The following EPDR1 variants were observed in gnomAD, a reference collection of about 807,000 sequenced individuals.
EPDR1 encodes the protein ependymin related 1.
Under a neutral mutation model 23.7 loss-of-function variants are expected in EPDR1, and 27 were observed. The observed-to-expected ratio is 1.14, with a 90% CI of 0.84 to 1.57. The LOEUF (loss-of-function observed/expected upper bound fraction) is 1.57. EPDR1 is among the 40% of genes most tolerant of loss of function. EPDR1 has a pLI of 0.00. For synonymous variants in EPDR1, 137 were observed against 118.2 expected, an observed-to-expected ratio of 1.16 and a Z score of -1.03; for missense variants, 349 against 290.4, an observed-to-expected ratio of 1.20 and a Z score of -1.47.
chr7:37,933,097 T>C (rs750003969), intron 1 of EPDR1, among the ~76,000 whole-genome samples: 9 of 152,272 alleles, frequency 5.9e-5, no homozygotes, highest in Non-Finnish European at 1.3e-4. Flanking sequence ...TAACACAATT[T>C]TGAAATAGTG....
At chr7:37,931,860 G>A (rs917683410) in intron 1 of EPDR1, among the ~76,000 whole-genome samples, 26 of 151,938 alleles carry the variant, frequency 1.7e-4, no homozygotes, top group African/African-American at 3.1e-4. Flanking sequence ...CACTGCACCC[G>A]CCTAATTTAT....
chr7:37,936,411 G>T lies in EPDR1; in HGVS notation c.270-12429G>T, dbSNP rs76808869. Among the ~76,000 whole-genome samples the T allele has an allele frequency of 9.5e-3, 1,448 of 152,102 alleles. 24 individuals carry two copies. Among genetic ancestry groups the T allele is most frequent in the African/African-American group, 0.032 (1,324 of 41,536 alleles). ...GCCCTTTTTCTGCTAAACTCAGGAA[G>T]AAGGCAAGGATGCCCATTACCTACA... On this transcript the variant is annotated intron_variant, in intron 1 of 2. Coordinates refer to ENST00000199448, the MANE Select transcript of EPDR1 (RefSeq NM_017549.5).
rs565159030 is a variant in EPDR1 at position 37,933,123 on chromosome 7, G to A, written c.269+11915G>A. 2.6e-5 allele frequency among the ~76,000 whole-genome samples: 4 copies of A among 152,208 alleles called. No homozygotes were observed. The South Asian group carries it at 8.3e-4, about 32-fold the overall frequency. On this transcript the variant is annotated intron_variant, in intron 1 of 2. Transcript: ENST00000199448. ...TGAAATAGTGTTTTTTCTTTTTTAT[G>A]TCTCATAATCATTGCAGGGTGTAAC...
intron 1 of EPDR1, among the ~76,000 whole-genome samples, chr7:37,936,620 T>C (rs1786058373): frequency 6.6e-6 from 1 of 152,118 alleles, no homozygotes; most frequent in Non-Finnish European, 1.5e-5. Flanking sequence ...GTAAGGTGGC[T>C]ATATGTAAAA....
intron 1 of EPDR1, among the ~76,000 whole-genome samples, chr7:37,929,272 C>G (rs1583663443): frequency 6.6e-6 from 1 of 152,184 alleles, no homozygotes; most frequent in South Asian, 2.1e-4. Flanking sequence ...CTTCATCTCC[C>G]CCACCTTCCC....
At chr7:37,942,476 G>A (rs1786187532) in intron 1 of EPDR1, among the ~76,000 whole-genome samples, 1 of 152,118 alleles carries the variant, frequency 6.6e-6, no homozygotes, top group Admixed American at 6.5e-5. Context: ...TGGATATAGA[G>A]TTTCAATTTT....
intron 1 of EPDR1, among the ~76,000 whole-genome samples, chr7:37,943,158 G>A (rs1241961633): frequency 6.6e-6 from 1 of 152,260 alleles, no homozygotes; most frequent in African/African-American, 2.4e-5. Context: ...AGGAGGCGAA[G>A]TTTGTCTGCT....
At chr7:37,948,254 T>G (rs1234614917) in intron 1 of EPDR1, among the ~76,000 whole-genome samples, 1 of 152,074 alleles carries the variant, frequency 6.6e-6, no homozygotes, top group Non-Finnish European at 1.5e-5. Flanking sequence ...AGCCATATCT[T>G]CCCCATGTTT....
chr7:37,931,944 G>A (rs997355363), intron 1 of EPDR1, among the ~76,000 whole-genome samples: 3 of 152,116 alleles, frequency 2.0e-5, no homozygotes, highest in East Asian at 1.9e-4. Flanking sequence ...TCCTGACCTC[G>A]TGATCTGCCC....
intron 1 of EPDR1, among the ~76,000 whole-genome samples, chr7:37,945,951 C>A (rs563931116): frequency 6.6e-6 from 1 of 152,150 alleles, no homozygotes; most frequent in Admixed American, 6.5e-5. Flanking sequence ...ATTCAGCTCC[C>A]GCTTATAAGT....
At position 37,950,425 on chromosome 7, in the gene EPDR1, G is replaced by A. The variant is rs773366465; in HGVS notation, c.*29G>A. On this transcript the variant is annotated 3_prime_UTR_variant, in exon 3 of 3. Coordinates refer to ENST00000199448, the MANE Select transcript of EPDR1 (RefSeq NM_017549.5). ...TGTGCATAGGGAAGCGGCAGCATCG[G>A]ATGTCAGCCCCCTGCGGCCCCAGCT... 5 of 1,577,924 alleles carry A rather than the reference G, an allele frequency of 3.2e-6. No homozygotes were observed. The highest frequency in any genetic ancestry group is 4.3e-6 in the Non-Finnish European group (5 of 1,158,116).
Position 37,920,822 on chromosome 7 carries a change from G to A in EPDR1, c.-118G>A. On this transcript the variant is annotated 5_prime_UTR_variant, in exon 1 of 3. Coordinates refer to ENST00000199448, the MANE Select transcript of EPDR1 (RefSeq NM_017549.5). ...CACCGAAGGGACAGGAAGCACTTTG[G>A]TCCAGACCACACTCCCGGCACAGTG... 6.2e-7 allele frequency: 1 copy of A among 1,610,522 alleles called. No homozygotes were observed. The highest frequency in any genetic ancestry group is 1.1e-5 in the South Asian group (1 of 90,276).
intron 1 of EPDR1, among the ~76,000 whole-genome samples, chr7:37,935,901 T>C (rs896883209): frequency 6.7e-6 from 1 of 148,918 alleles, no homozygotes; most frequent in Admixed American, 6.7e-5. Context: ...AGGTAAAAGG[T>C]TTTATCTCCA....
rs1431693067 is a variant in EPDR1, at chr7:37,951,750, G to T, written c.*1354G>T. 1 of 152,210 alleles carries T rather than the reference G, an allele frequency of 6.6e-6. No individual in the cohort carries two copies. The highest frequency in any genetic ancestry group is 2.4e-5 in the African/African-American group (1 of 41,442). 9.4% of individuals were successfully genotyped at this position (152,210 alleles called of 1,614,324 possible). ...CATTTATCTTTCTTAGTTACCAGGA[G>T]AAATGTGTGACACCTATATTATAAT... On this transcript the variant is annotated 3_prime_UTR_variant, in exon 3 of 3. Transcript: ENST00000199448.
intron 1 of EPDR1, among the ~76,000 whole-genome samples, chr7:37,924,563 C>T (rs1376936163): frequency 3.9e-5 from 6 of 152,160 alleles, no homozygotes; most frequent in Non-Finnish European, 7.3e-5. Context: ...CTCTTGCTGG[C>T]TTAGAAGCAT....
intron 1 of EPDR1, among the ~76,000 whole-genome samples, chr7:37,928,284 C>G (rs1785857578): frequency 6.6e-6 from 1 of 152,096 alleles, no homozygotes; most frequent in Non-Finnish European, 1.5e-5. Context: ...AATATTCCAC[C>G]AATTAGTGGT....
chr7:37,951,604 C>G lies in EPDR1; in HGVS notation c.*1208C>G, dbSNP rs908548285. ...GTATTCGTAGAGTGAAGAATGCCAG[C>G]CTCTCTTGTCCCTGGTTTCCTTATG... is the stretch of plus-strand genomic sequence containing the variant. On this transcript the variant is annotated 3_prime_UTR_variant, in exon 3 of 3. Transcript: ENST00000199448. 2 of 152,202 alleles carry G rather than the reference C, an allele frequency of 1.3e-5. No individual in the cohort carries two copies. The highest frequency in any genetic ancestry group is 6.5e-5 in the Admixed American group (1 of 15,288). The allele number at this position is 152,202 out of a possible 1,614,324, so 9.4% of individuals were successfully genotyped here. A position where few individuals can be genotyped will look rare whatever the true frequency, so the allele number is the denominator to read the frequency against.
At chr7:37,948,555 C>A (rs528895968) in intron 1 of EPDR1, among the ~76,000 whole-genome samples, 1 of 151,982 alleles carries the variant, frequency 6.6e-6, no homozygotes, top group Admixed American at 6.6e-5. Context: ...ACTATGTTGC[C>A]CAGGCCGGTC....
rs1004215252 is a variant in EPDR1, at chr7:37,951,396, G to A, written c.*1000G>A. On this transcript the variant is annotated 3_prime_UTR_variant, in exon 3 of 3. Transcript: ENST00000199448. Reference sequence around the variant, plus strand: ...ACAAGAGTTGCTCCCAAGCCTGGATGAGTTGCACCTTGCATCTTGAGCATG... The same window carrying A: ...ACAAGAGTTGCTCCCAAGCCTGGATAAGTTGCACCTTGCATCTTGAGCATG... 2 of 152,254 alleles carry A rather than the reference G, an allele frequency of 1.3e-5. No individual in the cohort carries two copies. The highest frequency in any genetic ancestry group is 2.9e-5 in the Non-Finnish European group (2 of 68,050). 9.4% of individuals were successfully genotyped at this position (152,254 alleles called of 1,614,324 possible).
Sources: gnomAD v4.1 joint callset for allele counts (sites outside exome capture counted in the v4.1 genomes callset) on GRCh38, gnomAD v4.1.1 for gene constraint, MANE v1.5 for transcripts, NCBI Gene and HGNC (gene_info 2026-07-23, HGNC 2026-07-21) for gene names.